The following ZNF385B variants were observed in gnomAD, a reference collection of about 807,000 sequenced individuals.
ZNF385B encodes the protein zinc finger protein 533.
A neutral mutation model predicts 39.2 loss-of-function variants in ZNF385B; 23 were observed. The ratio of observed to expected loss-of-function variants is 0.59; its 90% CI spans 0.42 to 0.83. The LOEUF (loss-of-function observed/expected upper bound fraction) is 0.83, where lower values mean the gene tolerates loss of function less well. Ranked by LOEUF, ZNF385B falls within the 40% of genes least tolerant of loss-of-function variation. The probability of loss-of-function intolerance (pLI) is 0.00; values close to 1 mark genes in which losing one functional copy is unlikely to be tolerated. For synonymous variants in ZNF385B, 205 were observed against 222.6 expected (o/e 0.92, Z 0.70); for missense variants, 552 against 598.9 (o/e 0.92, Z 0.82).
At chr2:179,741,384 G>C (rs2106450604) in intron 3 of ZNF385B, among the ~76,000 whole-genome samples, 1 of 152,150 alleles carries the variant, frequency 6.6e-6, no homozygotes, top group East Asian at 1.9e-4. Flanking sequence ...AAAGGAGGAG[G>C]GGAATATTAG....
At chr2:179,835,163 AG>A (rs1559236714) in intron 1 of ZNF385B, among the ~76,000 whole-genome samples, 1 of 152,206 alleles carries the variant, frequency 6.6e-6, no homozygotes, top group Non-Finnish European at 1.5e-5. Context: ...TACACACTGA[AG>A]TATTTAAGGG....
intron 3 of ZNF385B, among the ~76,000 whole-genome samples, chr2:179,668,695 C>T (rs192645249): frequency 6.7e-6 from 1 of 149,722 alleles, no homozygotes; most frequent in East Asian, 2.0e-4. Context: ...AAATTCATTG[C>T]TACTACCTCA....
chr2:179,484,449 T>A (rs973933860), intron 5 of ZNF385B, among the ~76,000 whole-genome samples: 5 of 152,134 alleles, frequency 3.3e-5, no homozygotes, highest in African/African-American at 1.2e-4. Flanking sequence ...CAAAGCAAGA[T>A]GAACTTTTGT....
chr2:179,452,055 C>G (rs1410882999), intron 6 of ZNF385B, among the ~76,000 whole-genome samples: 1 of 152,086 alleles, frequency 6.6e-6, no homozygotes, highest in Non-Finnish European at 1.5e-5. Context: ...TACTCAAACA[C>G]ATTTAGAAGG....
At chr2:179,824,534 G>C (rs929001704) in intron 1 of ZNF385B, among the ~76,000 whole-genome samples, 2 of 152,108 alleles carry the variant, frequency 1.3e-5, no homozygotes, top group African/African-American at 4.8e-5. Context: ...AAAATACAGA[G>C]AATAAATGCT....
At chr2:179,693,295 G>A (rs942289045) in intron 3 of ZNF385B, among the ~76,000 whole-genome samples, 1 of 152,110 alleles carries the variant, frequency 6.6e-6, no homozygotes. Context: ...TTCCTTTTGT[G>A]AGTTATACTC....
At chr2:179,765,346 T>C (rs1464798324) in intron 3 of ZNF385B, among the ~76,000 whole-genome samples, 1 of 152,198 alleles carries the variant, frequency 6.6e-6, no homozygotes, top group African/African-American at 2.4e-5. Flanking sequence ...GATAGATATT[T>C]AATTTCAGGC....
chr2:179,769,906 C>A, intron 2 of ZNF385B, 104 bp from the exon 3 acceptor site: 1 of 1,125,546 alleles, frequency 8.9e-7, no homozygotes, highest in Non-Finnish European at 1.2e-6. Context: ...AAAAGTTGCC[C>A]AGCTACCCAG....
At chr2:179,545,083 T>A in intron 3 of ZNF385B, 114 bp from the exon 4 acceptor site, 1 of 1,334,772 alleles carries the variant, frequency 7.5e-7, no homozygotes, top group South Asian at 1.3e-5. Flanking sequence ...AAGAGAGTTA[T>A]GCTGTAAGTA....
At chr2:179,608,977 A>C (rs1347473807) in intron 3 of ZNF385B, among the ~76,000 whole-genome samples, 1 of 151,982 alleles carries the variant, frequency 6.6e-6, no homozygotes, top group Non-Finnish European at 1.5e-5. Context: ...TTTATGGGGT[A>C]CATGAGATAT....
At chr2:179,523,458 A>G (rs933618465) in intron 4 of ZNF385B, among the ~76,000 whole-genome samples, 13 of 151,834 alleles carry the variant, frequency 8.6e-5, no homozygotes, top group African/African-American at 2.9e-4. Flanking sequence ...TGCAAGTGAA[A>G]CCTAGACACA....
At chr2:179,846,867 GA>G (rs954856404) in intron 1 of ZNF385B, among the ~76,000 whole-genome samples, 50 of 152,346 alleles carry the variant, frequency 3.3e-4, no homozygotes, top group African/African-American at 1.2e-3. Context: ...TCCTCAGTGA[GA>G]CATGACTCCT....
intron 3 of ZNF385B, chr2:179,745,708 C>T: frequency 6.5e-7 from 1 of 1,540,670 alleles, no homozygotes. Context: ...AATAAAAACG[C>T]TCACCTCTGC....
intron 5 of ZNF385B, among the ~76,000 whole-genome samples, chr2:179,514,906 G>A (rs903781679): frequency 2.0e-5 from 3 of 151,786 alleles, no homozygotes; most frequent in Admixed American, 6.6e-5. Context: ...AGCCTCCCAA[G>A]TAGCTGGGAT....
chr2:179,513,272 C>A (rs2057820005), intron 5 of ZNF385B, among the ~76,000 whole-genome samples: 1 of 152,158 alleles, frequency 6.6e-6, no homozygotes, highest in South Asian at 2.1e-4. Context: ...CTTGGTTATG[C>A]AGATTATAGC....
chr2:179,764,473 T>A (rs1490999207), intron 3 of ZNF385B, among the ~76,000 whole-genome samples: 1 of 152,124 alleles, frequency 6.6e-6, no homozygotes, highest in African/African-American at 2.4e-5. Context: ...AAGTTTGACA[T>A]TTTATTATTT....
intron 3 of ZNF385B, among the ~76,000 whole-genome samples, chr2:179,761,173 C>T (rs992553947): frequency 2.0e-5 from 3 of 152,180 alleles, no homozygotes; most frequent in Middle Eastern, 6.8e-3. Flanking sequence ...GTAGAGAGAT[C>T]CCTCCTTTTT....
intron 1 of ZNF385B, among the ~76,000 whole-genome samples, chr2:179,823,628 T>C (rs967263341): frequency 2.0e-5 from 3 of 152,160 alleles, no homozygotes; most frequent in African/African-American, 7.2e-5. Flanking sequence ...TTTTAAATAA[T>C]AAAATCCTGT....
intron 6 of ZNF385B, among the ~76,000 whole-genome samples, chr2:179,453,169 G>T (rs112125533): frequency 2.4e-4 from 37 of 152,210 alleles, no homozygotes; most frequent in African/African-American, 8.2e-4. Flanking sequence ...TTATATGAAT[G>T]TACTATATTC....
Sources: allele counts gnomAD v4.1 joint callset (sites outside exome capture counted in the v4.1 genomes callset), GRCh38; gene constraint gnomAD v4.1.1; transcripts MANE v1.5; gene names NCBI Gene and HGNC (gene_info 2026-07-23, HGNC 2026-07-21).